The following CDH12 variants were observed in gnomAD, a reference collection of about 807,000 sequenced individuals.
The protein encoded by CDH12 is cadherin-12.
CDH12 carries 41 observed loss-of-function variants against 74.1 expected under a neutral mutation model. The ratio of observed to expected loss-of-function variants is 0.55; its 90% CI spans 0.43 to 0.72. CDH12 has a LOEUF of 0.72. CDH12 is among the 30% of genes least tolerant of loss of function. The pLI is 0.00. For synonymous variants in CDH12, 399 were observed against 355.0 expected (o/e 1.12, Z -1.39); for missense variants, 945 against 977.2 (o/e 0.97, Z 0.44).
intron 1 of CDH12, among the ~76,000 whole-genome samples, chr5:22,849,060 C>T (rs1280119788): frequency 6.6e-6 from 1 of 152,036 alleles, no homozygotes. Context: ...CATAACAAAC[C>T]CTGGACATTA....
At chr5:22,716,041 G>A (rs1240284873) in intron 1 of CDH12, among the ~76,000 whole-genome samples, 1 of 151,994 alleles carries the variant, frequency 6.6e-6, no homozygotes, top group Admixed American at 6.6e-5. Context: ...GGAAGCTGAG[G>A]CAGGAGAATT....
At chr5:22,359,796 A>G (rs1039072111) in intron 3 of CDH12, among the ~76,000 whole-genome samples, 1 of 152,214 alleles carries the variant, frequency 6.6e-6, no homozygotes, top group African/African-American at 2.4e-5. Flanking sequence ...CCACTCAACT[A>G]CATGGAAACT....
chr5:21,807,002 G>T (rs1222150326), intron 9 of CDH12, among the ~76,000 whole-genome samples: 1 of 152,108 alleles, frequency 6.6e-6, no homozygotes, highest in Admixed American at 6.6e-5. Context: ...CTAAAACATA[G>T]GTAGTTTCTA....
chr5:21,817,048 T>C lies in CDH12; in HGVS notation c.899A>G (p.Gln300Arg). The stretch of plus-strand genomic sequence containing the variant: ...AATATTGTATTCAATTTCTGCATTT[T>C]GTCCAAAATCAGGATCCACAGCTCT... ...RIRAVDPDFG[Q>R]NAEIEYNIVP... is the part of the protein sequence containing the mutation. Residue 300 changes from glutamine to arginine, a missense_variant, in exon 9 of 15, where the codon CAA (glutamine) becomes CGA (arginine). Physicochemically the swap from Gln to Arg is conservative, Grantham distance 43. Around this residue, in one of 3 missense-constraint regions of CDH12, gnomAD observed 791 missense variants for 792.8 expected, o/e 1.00. Transcript: ENST00000382254. 6.2e-7 allele frequency: 1 copy of C among 1,613,092 alleles called. No homozygotes were observed. Among genetic ancestry groups the C allele is most frequent in the Non-Finnish European group, 8.5e-7 (1 of 1,179,368 alleles).
In CDH12 at chr5:21,755,707, C is replaced by G; in HGVS notation, c.1769G>C (p.Cys590Ser). Residue 590 changes from cysteine to serine, a missense_variant, in exon 14 of 15, where the codon TGT (cysteine) becomes TCT (serine). By Grantham distance (112) the Cys-to-Ser change is moderately radical (BLOSUM62 -1). Around this residue, in one of 3 missense-constraint regions of CDH12, gnomAD observed 791 missense variants for 792.8 expected, o/e 1.00. Transcript: ENST00000382254. The part of the protein sequence containing the change: ...SSTNTMTIRV[C>S]RCDSDGTILS... ...GATGGTGCCATCAGAGTCACATCTACAGACTCGAATAGTCATTGTGTTTGT... is the reference window on the plus strand; with the variant it reads ...GATGGTGCCATCAGAGTCACATCTAGAGACTCGAATAGTCATTGTGTTTGT... 6.2e-7 allele frequency: 1 copy of G among 1,614,108 alleles called. No homozygotes were observed. Among genetic ancestry groups the G allele is most frequent in the Non-Finnish European group, 8.5e-7 (1 of 1,180,012 alleles).
chr5:21,854,862 G>A lies in CDH12; in HGVS notation c.527-72C>T, dbSNP rs746024676. 10 of 1,423,390 alleles carry A rather than the reference G, an allele frequency of 7.0e-6. No homozygotes were observed. The South Asian group carries it at 7.8e-5, about 11-fold the overall frequency. The allele number at this position is 1,423,390 out of a possible 1,614,324, so 88.2% of individuals were successfully genotyped here. ...TCAAGGTCATGACTCTTATCTGCTGGACTCGATTTTCCTTTGGTATTTGAC... is the reference window on the plus strand; with the variant it reads ...TCAAGGTCATGACTCTTATCTGCTGAACTCGATTTTCCTTTGGTATTTGAC... On this transcript the variant is annotated intron_variant, in intron 6 of 14. Coordinates refer to ENST00000382254, the MANE Select transcript of CDH12 (RefSeq NM_004061.5).
intron 1 of CDH12, among the ~76,000 whole-genome samples, chr5:22,803,416 A>T (rs1190238504): frequency 6.6e-6 from 1 of 152,190 alleles, no homozygotes; most frequent in Admixed American, 6.5e-5. Flanking sequence ...CTGAAACTAC[A>T]AGGATTACTG....
Position 22,080,176 on chromosome 5 carries a change from GCATGTTTAATTAAATGTCTATAAAA to G in CDH12, c.-186-1339_-186-1315del, listed in dbSNP as rs573219615. Among the ~76,000 whole-genome samples the G allele has an allele frequency of 4.3e-4, 66 of 152,180 alleles. No individual in the cohort carries two copies. The South Asian group carries it at 9.3e-3, about 21-fold the overall frequency. On this transcript the variant is annotated intron_variant, in intron 4 of 14. Transcript: ENST00000382254. Reference sequence around the variant, plus strand: ...ACAAGAGAACTAAAATCAAATCAATGCATGTTTAATTAAATGTCTATAAAACATGGTGTTTTTGTCAACTAGTCAG... The same window carrying G: ...ACAAGAGAACTAAAATCAAATCAATGCATGGTGTTTTTGTCAACTAGTCAG...
intron 1 of CDH12, among the ~76,000 whole-genome samples, chr5:22,558,381 A>C (rs1369388313): frequency 6.6e-6 from 1 of 152,102 alleles, no homozygotes; most frequent in Non-Finnish European, 1.5e-5. Flanking sequence ...GGCAGGAAAG[A>C]AGACAAAATA....
chr5:22,628,465 C>T (rs1010130810), intron 1 of CDH12, among the ~76,000 whole-genome samples: 1 of 152,104 alleles, frequency 6.6e-6, no homozygotes, highest in Non-Finnish European at 1.5e-5. Flanking sequence ...CATACCATTA[C>T]ATGGAAATTA....
Position 21,841,228 on chromosome 5 carries a change from A to G in CDH12, c.814+933T>C, listed in dbSNP as rs796138005. ...GAACAGACACTTCTCAAAAGAAGAC[A>G]TTTATGCAGCCAAAAAACACATGAA... On this transcript the variant is annotated intron_variant, in intron 8 of 14. Transcript: ENST00000382254. Among the ~76,000 whole-genome samples the G allele has an allele frequency of 2.0e-5, 3 of 150,926 alleles. No homozygotes were observed. The South Asian group carries it at 6.2e-4, about 31-fold the overall frequency.
rs376739850 is a variant in CDH12, at chr5:21,975,022, T to A, written c.526+69A>T. The A allele has an allele frequency of 5.3e-5, 49 of 918,352 alleles. 2 individuals carry two copies. The highest frequency in any genetic ancestry group is 2.6e-4 in the Admixed American group (11 of 43,006). The allele number at this position is 918,352 out of a possible 1,614,324, so 56.9% of individuals were successfully genotyped here. ...TTAGATGATAGATAAGATGTTTACA[T>A]CAACCTGCAAAAAGTCAATGTTGAA... On this transcript the variant is annotated intron_variant, in intron 6 of 14. Coordinates refer to ENST00000382254, the MANE Select transcript of CDH12 (RefSeq NM_004061.5).
At chr5:22,053,701 A>G (rs1740546679) in intron 5 of CDH12, among the ~76,000 whole-genome samples, 1 of 152,074 alleles carries the variant, frequency 6.6e-6, no homozygotes, top group African/African-American at 2.4e-5. Flanking sequence ...TAATACCTAC[A>G]TATTCTCCAC....
chr5:22,487,105 C>T (rs566323863), intron 2 of CDH12, among the ~76,000 whole-genome samples: 15 of 151,600 alleles, frequency 9.9e-5, no homozygotes, highest in East Asian at 7.8e-4. Context: ...TGGGTTCAAG[C>T]GATTCTCCTG....
At chr5:22,117,410 T>TA (rs1300232951) in intron 4 of CDH12, among the ~76,000 whole-genome samples, 1 of 129,900 alleles carries the variant, frequency 7.7e-6, no homozygotes, top group Non-Finnish European at 1.6e-5. Context: ...TTCTATTCCC[T>TA]AAAATTATAT....
intron 3 of CDH12, among the ~76,000 whole-genome samples, chr5:22,239,645 A>G (rs531953714): frequency 6.6e-6 from 1 of 152,246 alleles, no homozygotes; most frequent in East Asian, 1.9e-4. Flanking sequence ...TCTCATGGTT[A>G]TAGGGAATTG....
At chr5:21,848,609 G>C (rs1750304234) in intron 7 of CDH12, among the ~76,000 whole-genome samples, 1 of 151,882 alleles carries the variant, frequency 6.6e-6, no homozygotes, top group Non-Finnish European at 1.5e-5. Context: ...GTTCATCATT[G>C]CATTTGTATA....
intron 6 of CDH12, among the ~76,000 whole-genome samples, chr5:21,870,299 GGT>G: frequency 6.6e-6 from 1 of 152,116 alleles, no homozygotes; most frequent in South Asian, 2.1e-4. Context: ...TGTCTGTGAG[GGT>G]GTTTCCAGAG....
At chr5:22,074,957 T>C (rs1329753300) in intron 5 of CDH12, among the ~76,000 whole-genome samples, 1 of 152,086 alleles carries the variant, frequency 6.6e-6, no homozygotes, top group East Asian at 1.9e-4. Context: ...ATCCCATTAC[T>C]GGGTATATAC....
Sources: allele counts gnomAD v4.1 joint callset (sites outside exome capture counted in the v4.1 genomes callset), GRCh38; gene constraint gnomAD v4.1.1; regional missense constraint gnomAD v4.1.1; transcripts MANE v1.5; gene names NCBI Gene and HGNC (gene_info 2026-07-23, HGNC 2026-07-21).